KRT84: variants seen among roughly 807,000 people sequenced by gnomAD.
KRT84 encodes the protein keratin 84.
KRT84 carries 38 observed loss-of-function variants against 49.0 expected under a neutral mutation model. That is an observed-to-expected ratio of 0.78 (90% CI 0.60 to 1.02). The LOEUF is 1.02. Among genes scored for constraint, KRT84 ranks in the 50% least tolerant of loss-of-function variants. The probability of loss-of-function intolerance (pLI) is 0.00; values close to 1 mark genes in which losing one functional copy is unlikely to be tolerated. For missense variants in KRT84, 860 were observed against 788.6 expected, an observed-to-expected ratio of 1.09 and a Z score of -1.08; for synonymous variants, 334 against 312.8, an observed-to-expected ratio of 1.07 and a Z score of -0.72.
chr12:52,379,823 A>C, intron 8 of KRT84, 53 bp downstream of exon 8: 1 of 1,480,106 alleles, frequency 6.8e-7, no homozygotes, highest in Non-Finnish European at 9.4e-7. Flanking sequence ...CTGAGTTTAA[A>C]GGAAGTTTGA....
chr12:52,379,574 C>T (rs1049328913), intron 8 of KRT84, among the ~76,000 whole-genome samples: 9 of 152,232 alleles, frequency 5.9e-5, no homozygotes, highest in Admixed American at 5.2e-4. Flanking sequence ...CCCAGTCCTT[C>T]TAAGTCCTTC....
In KRT84 at chr12:52,378,273, C is replaced by T; in HGVS notation, c.1564G>A (p.Ala522Thr). The change falls in exon 9 of 9, where the codon GCC becomes ACC. Residue 522 changes from alanine to threonine, a missense_variant. Coordinates refer to ENST00000257951, the MANE Select transcript of KRT84 (RefSeq NM_033045.4). Reference sequence around the variant, plus strand: ...CAGGAAGCCAGGACCCCACTGGTGGCACAGACGCTGCTGCTACCTGAGAAG... The same window carrying T: ...CAGGAAGCCAGGACCCCACTGGTGGTACAGACGCTGCTGCTACCTGAGAAG... ...VTFSGSSSVC[A>T]TSGVLASCGP... 1 of 1,551,422 alleles carries T rather than the reference C, an allele frequency of 6.4e-7. No individual in the cohort carries two copies. Among genetic ancestry groups the T allele is most frequent in the Non-Finnish European group, 8.7e-7 (1 of 1,149,682 alleles).
At position 52,380,825 on chromosome 12, in the gene KRT84, T is replaced by C. The variant is rs150740867; in HGVS notation, c.1204-242A>G. 1.2e-3 allele frequency among the ~76,000 whole-genome samples: 176 copies of C among 152,334 alleles called. 2 individuals are homozygous for C. The highest frequency in any genetic ancestry group is 4.2e-3 in the African/African-American group (174 of 41,580). On this transcript the variant is annotated intron_variant, in intron 6 of 8. Coordinates refer to ENST00000257951, the MANE Select transcript of KRT84 (RefSeq NM_033045.4). Reference sequence around the variant, plus strand: ...GCTGATTTCAGCTGCCCCAGAGTCATGGCATCTAGAGGGTAAATTTATTCT... The same window carrying C: ...GCTGATTTCAGCTGCCCCAGAGTCACGGCATCTAGAGGGTAAATTTATTCT...
chr12:52,379,853 A>G (rs763836742), intron 8 of KRT84, 23 bp downstream of exon 8: 61 of 1,596,570 alleles, frequency 3.8e-5, no homozygotes, highest in African/African-American at 5.4e-5. Flanking sequence ...AAATGTGTGA[A>G]GAGGAAAAAA....
intron 1 of KRT84, 76 bp from the exon 2 acceptor site, chr12:52,383,874 C>G: frequency 8.3e-7 from 1 of 1,197,672 alleles, no homozygotes; most frequent in South Asian, 1.4e-5. Flanking sequence ...CTTGAGATGG[C>G]CAGCGATGAC....
intron 6 of KRT84, 71 bp downstream of exon 6, chr12:52,381,009 C>T (rs768507908): frequency 1.9e-6 from 3 of 1,580,320 alleles, no homozygotes; most frequent in Non-Finnish European, 2.6e-6. Context: ...CCTCATTAGA[C>T]TTGGGGGTTC....
In KRT84 at chr12:52,383,763, C is replaced by T; in HGVS notation, c.582G>A (p.Glu194=). The change falls in exon 2 of 9, where the codon GAG becomes GAA. Residue 194 remains glutamate (E), a synonymous_variant. Coordinates refer to ENST00000257951, the MANE Select transcript of KRT84 (RefSeq NM_033045.4). Reference sequence around the variant, plus strand: ...GCTCTTGGAGGAAGCTCCACTTGGTCTCTAGGAGCTTATTCTGCTGCTCTA... The same window carrying T: ...GCTCTTGGAGGAAGCTCCACTTGGTTTCTAGGAGCTTATTCTGCTGCTCTA... ...RFLEQQNKLL[E]TKWSFLQEQK... is the part of the protein sequence containing the mutation. 6.2e-7 allele frequency: 1 copy of T among 1,613,682 alleles called. No individual in the cohort carries two copies. The highest frequency in any genetic ancestry group is 1.1e-5 in the South Asian group (1 of 91,064).
Position 52,378,170 on chromosome 12 carries a change from A to C in KRT84, c.1667T>G (p.Met556Arg). The C allele has an allele frequency of 6.3e-7, 1 of 1,578,886 alleles. No individual in the cohort carries two copies. ...GGGGACACAGGCCTCGCTGATGAGC[A>C]TGGAGCCACTCCTTGTGCCAGTGCT... ...LLSTGTRSGS[M>R]LISEACVPSV... The change falls in exon 9 of 9, where the codon ATG becomes AGG. Residue 556 changes from methionine (M) to arginine (R), a missense_variant. Physicochemically the swap from Met to Arg is moderately conservative, Grantham distance 91. Transcript: ENST00000257951.
At chr12:52,380,994 C>A in intron 6 of KRT84, 86 bp downstream of exon 6, 1 of 1,546,302 alleles carries the variant, frequency 6.5e-7, no homozygotes. Context: ...TGATGGTCTC[C>A]CTCACCTCAT....
Position 52,385,218 on chromosome 12 carries a change from C to T in KRT84, c.368G>A (p.Gly123Asp). The T allele has an allele frequency of 6.2e-7, 1 of 1,613,590 alleles. No individual in the cohort carries two copies. Among genetic ancestry groups the T allele is most frequent in the Non-Finnish European group, 8.5e-7 (1 of 1,179,668 alleles). Residue 123 changes from glycine (G) to aspartate (D), a missense_variant, in exon 1 of 9, where the codon GGT (glycine) becomes GAT (aspartate). Coordinates refer to ENST00000257951, the MANE Select transcript of KRT84 (RefSeq NM_033045.4). ...GACTCCAACCCCTCCAACTCTGTAA[C>T]CAAAGCCAGGGCCACCAAAGCCATA... ...IGYGFGGPGF[G>D]YRVGGVGVPA... is the part of the protein sequence containing the mutation.
At chr12:52,380,265 T>C in intron 7 of KRT84, 98 bp downstream of exon 7, 1 of 1,390,300 alleles carries the variant, frequency 7.2e-7, no homozygotes, top group East Asian at 2.3e-5. Flanking sequence ...CTTTAAAGAC[T>C]ATGTATTTCT....
chr12:52,384,873 G>A (rs182155957), intron 1 of KRT84, among the ~76,000 whole-genome samples, 167 bp downstream of exon 1: 4 of 152,304 alleles, frequency 2.6e-5, no homozygotes, highest in Admixed American at 2.6e-4. Flanking sequence ...TTGCTCTGCA[G>A]CAGAGCAACC....
chr12:52,378,907 C>T (rs138992903), intron 8 of KRT84, among the ~76,000 whole-genome samples: 1 of 152,240 alleles, frequency 6.6e-6, no homozygotes, highest in Non-Finnish European at 1.5e-5. Flanking sequence ...TTGGACACAA[C>T]TCCATGCCTC....
Position 52,383,004 on chromosome 12 carries a change from C to CCTT in KRT84, c.814_816dup (p.Lys272dup). 6.2e-7 allele frequency: 1 copy of CCTT among 1,613,632 alleles called. No individual in the cohort carries two copies. On this transcript the variant is annotated inframe_insertion and splice_region_variant. Coordinates refer to ENST00000257951, the MANE Select transcript of KRT84 (RefSeq NM_033045.4). ...TGGCCTGGTCTGTGGTTCCCCCTTA[C>CCTT]CTTCTTCAGAGCCACAAACTCATTC...
At position 52,385,022 on chromosome 12, in the gene KRT84, T is replaced by C. The variant is rs1363601753; in HGVS notation, c.546+18A>G. The C allele has an allele frequency of 6.3e-7, 1 of 1,594,342 alleles. No homozygotes were observed. Among genetic ancestry groups the C allele is most frequent in the East Asian group, 2.2e-5 (1 of 44,814 alleles). On this transcript the variant is annotated intron_variant, in intron 1 of 8. Transcript: ENST00000257951. The stretch of plus-strand genomic sequence containing the variant: ...GCTGTAATATTCCTAGACCCAGAGA[T>C]TCAGCTATCATAGGTACCTTGTCAA...
At chr12:52,380,331 C>T (rs1365334065) in intron 7 of KRT84, 32 bp downstream of exon 7, 2 of 1,611,172 alleles carry the variant, frequency 1.2e-6, no homozygotes, top group Non-Finnish European at 1.7e-6. Flanking sequence ...CTAAGTCTGA[C>T]TTCACTCTCC....
chr12:52,379,604 A>G (rs552823140), intron 8 of KRT84, among the ~76,000 whole-genome samples: 1 of 152,338 alleles, frequency 6.6e-6, no homozygotes, highest in Non-Finnish European at 1.5e-5. Flanking sequence ...TTGAAGGACA[A>G]GGCCGCTCAA....
intron 7 of KRT84, 148 bp from the exon 8 acceptor site, chr12:52,380,055 A>C: frequency 5.4e-6 from 4 of 736,274 alleles, no homozygotes; most frequent in Non-Finnish European, 9.0e-6. Flanking sequence ...GCGTTGAAAA[A>C]CACGTTCTTA....
Position 52,377,908 on chromosome 12 carries a change from G to C in KRT84, c.*126C>G, listed in dbSNP as rs569253906. 61 of 633,822 alleles carry C rather than the reference G, an allele frequency of 9.6e-5. No individual in the cohort carries two copies. The African/African-American group carries it at 1.1e-3, about 12-fold the overall frequency. The allele number at this position is 633,822 out of a possible 1,614,324, so 39.3% of individuals were successfully genotyped here. ...GGCAGAATAATCGGGGGAGTGCTAA[G>C]GGGTGGCTTCCTGGCAGAAAGGGGA... On this transcript the variant is annotated 3_prime_UTR_variant, in exon 9 of 9. Transcript: ENST00000257951.
Sources: allele counts gnomAD v4.1 joint callset (sites outside exome capture counted in the v4.1 genomes callset), GRCh38; gene constraint gnomAD v4.1.1; transcripts MANE v1.5; gene names NCBI Gene and HGNC (gene_info 2026-07-23, HGNC 2026-07-21).